Variants in SLC26A7 observed in about 807,000 individuals in gnomAD.
SLC26A7 encodes anion exchange transporter.
SLC26A7 carries 59 observed loss-of-function variants against 82.5 expected under a neutral mutation model. That is an observed-to-expected ratio of 0.72 (90% CI 0.58 to 0.89). The LOEUF (loss-of-function observed/expected upper bound fraction) is 0.89. Among genes scored for constraint, SLC26A7 ranks in the 40% least tolerant of loss-of-function variants. The pLI, the probability that SLC26A7 is intolerant of heterozygous loss-of-function variation, is 0.00. For synonymous variants in SLC26A7, 271 were observed against 274.3 expected (o/e 0.99, Z 0.12); for missense variants, 820 against 793.0 (o/e 1.03, Z -0.41).
chr8:91,308,085 G>C (rs1251587317), intron 4 of SLC26A7, among the ~76,000 whole-genome samples: 1 of 152,048 alleles, frequency 6.6e-6, no homozygotes, highest in Admixed American at 6.6e-5. Context: ...TCTTTCTTCA[G>C]TTTCCTTATT....
chr8:91,369,740 A>T (rs762127360), intron 14 of SLC26A7, 45 bp from the exon 15 acceptor site: 1 of 1,400,316 alleles, frequency 7.1e-7, no homozygotes, highest in South Asian at 1.4e-5. Flanking sequence ...AGACAGAAGT[A>T]AAATTTTATA....
In SLC26A7 at chr8:91,351,892, G is replaced by A. The variant is rs368622403; in HGVS notation, c.1218+5G>A. On this transcript the variant is annotated splice_donor_5th_base_variant and intron_variant, in intron 10 of 18. Coordinates refer to ENST00000276609, the MANE Select transcript of SLC26A7 (RefSeq NM_052832.4). The stretch of plus-strand genomic sequence containing the variant: ...TTGCTTTACTGGCTGCCCATGGTAC[G>A]GTAGTGCTTTTTCACTATCTACTTT... The A allele has an allele frequency of 1.1e-5, 18 of 1,596,690 alleles. No individual in the cohort carries two copies. Among genetic ancestry groups the A allele is most frequent in the East Asian group, 4.5e-5 (2 of 44,820 alleles).
intron 6 of SLC26A7, among the ~76,000 whole-genome samples, chr8:91,335,887 A>T (rs1277430634): frequency 6.6e-6 from 1 of 152,096 alleles, no homozygotes; most frequent in African/African-American, 2.4e-5. Flanking sequence ...CAGCGTGGGG[A>T]GACCCAGCCT....
At chr8:91,238,062 C>T (rs1465561755) in intron 2 of SLC26A7, among the ~76,000 whole-genome samples, 2 of 152,094 alleles carry the variant, frequency 1.3e-5, no homozygotes, top group Non-Finnish European at 2.9e-5. Context: ...TTTTGGACCC[C>T]CAGATTTTTG....
chr8:91,393,996 T>C lies in SLC26A7; in HGVS notation c.1892T>C (p.Phe631Ser). 6.2e-7 allele frequency: 1 copy of C among 1,613,784 alleles called. No homozygotes were observed. Among genetic ancestry groups the C allele is most frequent in the Non-Finnish European group, 8.5e-7 (1 of 1,179,688 alleles). The change falls in exon 18 of 19, where the codon TTT (phenylalanine) becomes TCT (serine). Residue 631 changes from phenylalanine to serine, a missense_variant. By Grantham distance (155) the Phe-to-Ser change is radical (BLOSUM62 -2). Coordinates refer to ENST00000276609, the MANE Select transcript of SLC26A7 (RefSeq NM_052832.4). Reference protein sequence around the residue: ...GNLDSEKPIFFESVSAAISHI... With the variant: ...GNLDSEKPIFSESVSAAISHI... Reference sequence around the variant, plus strand: ...CTAGACTCAGAGAAACCAATTTTTTTTGAATCGGTATCTGCTGCAATAAGT... The same window carrying C: ...CTAGACTCAGAGAAACCAATTTTTTCTGAATCGGTATCTGCTGCAATAAGT...
intron 2 of SLC26A7, among the ~76,000 whole-genome samples, chr8:91,254,017 A>G (rs1254654051): frequency 6.6e-6 from 1 of 152,128 alleles, no homozygotes; most frequent in Non-Finnish European, 1.5e-5. Flanking sequence ...ATAGTAAAAA[A>G]ATACATTAAA....
chr8:91,373,142 C>G (rs764774462), intron 15 of SLC26A7, among the ~76,000 whole-genome samples: 10 of 151,888 alleles, frequency 6.6e-5, no homozygotes, highest in Non-Finnish European at 1.2e-4. Flanking sequence ...TCAGAGTTTT[C>G]TAGGTATAGA....
chr8:91,370,882 G>A (rs1343206263), intron 15 of SLC26A7, among the ~76,000 whole-genome samples: 1 of 151,734 alleles, frequency 6.6e-6, no homozygotes, highest in African/African-American at 2.4e-5. Context: ...TTTGTGTCAT[G>A]CAATATTTGC....
intron 2 of SLC26A7, among the ~76,000 whole-genome samples, chr8:91,282,496 G>T (rs1811600976): frequency 6.6e-6 from 1 of 152,154 alleles, no homozygotes; most frequent in African/African-American, 2.4e-5. Flanking sequence ...GCTTGAGGAG[G>T]TGCAAGCTCT....
chr8:91,321,019 T>C (rs1365569228), intron 5 of SLC26A7, among the ~76,000 whole-genome samples: 5 of 152,228 alleles, frequency 3.3e-5, no homozygotes, highest in Admixed American at 6.5e-5. Context: ...AAAATGTCCA[T>C]TGATTAATTA....
chr8:91,258,336 A>G (rs551293709), intron 2 of SLC26A7, among the ~76,000 whole-genome samples: 4 of 152,188 alleles, frequency 2.6e-5, no homozygotes, highest in South Asian at 2.1e-4. Flanking sequence ...TTTATAACTG[A>G]ACACAGCATT....
intron 15 of SLC26A7, among the ~76,000 whole-genome samples, chr8:91,383,450 T>C (rs1444068512): frequency 6.6e-6 from 1 of 151,950 alleles, no homozygotes; most frequent in African/African-American, 2.4e-5. Flanking sequence ...AGAAAAGACA[T>C]AAACTGAGTA....
chr8:91,231,525 C>T (rs531051309), intron 2 of SLC26A7, among the ~76,000 whole-genome samples: 60 of 152,260 alleles, frequency 3.9e-4, no homozygotes, highest in African/African-American at 1.3e-3. Flanking sequence ...GCTGTGTCAG[C>T]GATGAAATAC....
chr8:91,338,078 A>T, intron 6 of SLC26A7, 72 bp from the exon 7 acceptor site: 2 of 983,528 alleles, frequency 2.0e-6, no homozygotes, highest in South Asian at 2.0e-5. Context: ...GTTTACTTTT[A>T]AAAATTGTTT....
In SLC26A7 at chr8:91,289,137, A is replaced by T; in HGVS notation, c.195A>T (p.Gly65=). ...TAATTACCCTAGTCTTCTTCACAGG[A>T]TTGGCCTTTGCTGTTCTCTCATCTG... The part of the protein sequence containing the change: ...IMLAVQQVTQ[G]LAFAVLSSVH... The change falls in exon 3 of 19, where the codon GGA becomes GGT. Residue 65 remains glycine (G), a splice_region_variant and synonymous_variant. Coordinates refer to ENST00000276609, the MANE Select transcript of SLC26A7 (RefSeq NM_052832.4). 3 of 1,611,190 alleles carry T rather than the reference A, an allele frequency of 1.9e-6. No individual in the cohort carries two copies. The highest frequency in any genetic ancestry group is 1.7e-6 in the Non-Finnish European group (2 of 1,177,498).
At chr8:91,346,836 G>A (rs1813576764) in intron 9 of SLC26A7, among the ~76,000 whole-genome samples, 1 of 152,086 alleles carries the variant, frequency 6.6e-6, no homozygotes, top group Non-Finnish European at 1.5e-5. Context: ...AGCCCTTGTG[G>A]GTTCCAGTGT....
chr8:91,363,938 ATTGT>A (rs1391615862), intron 13 of SLC26A7, among the ~76,000 whole-genome samples: 2 of 130,994 alleles, frequency 1.5e-5, no homozygotes, highest in African/African-American at 6.5e-5. Context: ...GGTTCATGGT[ATTGT>A]TTTTTTTTTT....
intron 2 of SLC26A7, among the ~76,000 whole-genome samples, chr8:91,229,629 A>T (rs1810285850): frequency 6.6e-6 from 1 of 152,202 alleles, no homozygotes; most frequent in Admixed American, 6.5e-5. Context: ...CACTAACTAG[A>T]GTTAAATACT....
intron 5 of SLC26A7, among the ~76,000 whole-genome samples, chr8:91,331,857 A>C (rs557082959): frequency 1.3e-5 from 2 of 152,230 alleles, no homozygotes; most frequent in Middle Eastern, 3.4e-3. Context: ...GATAAAAGAA[A>C]GAATGCTTTC....
Sources: gnomAD v4.1 joint callset for allele counts (sites outside exome capture counted in the v4.1 genomes callset) on GRCh38, gnomAD v4.1.1 for gene constraint, MANE v1.5 for transcripts, NCBI Gene and HGNC (gene_info 2026-07-23, HGNC 2026-07-21) for gene names.